Variants in ZNF343 observed in about 807,000 individuals in gnomAD.
The protein encoded by ZNF343 is zinc finger protein 343.
Under a neutral mutation model 13.8 loss-of-function variants are expected in ZNF343, and 11 were observed. That is an observed-to-expected ratio of 0.80 (90% CI 0.50 to 1.32). The LOEUF (loss-of-function observed/expected upper bound fraction) is 1.32, where lower values mean the gene tolerates loss of function less well. Among genes scored for constraint, ZNF343 ranks in the 40% most tolerant of loss-of-function variants. ZNF343 has a pLI of 0.00. For synonymous variants in ZNF343, 248 were observed against 260.0 expected, an observed-to-expected ratio of 0.95 and a Z score of 0.44; for missense variants, 658 against 714.2, an observed-to-expected ratio of 0.92 and a Z score of 0.90.
At chr20:2,503,169 T>G (rs1482060307) in intron 1 of ZNF343, among the ~76,000 whole-genome samples, 1 of 152,204 alleles carries the variant, frequency 6.6e-6, no homozygotes, top group African/African-American at 2.4e-5. Context: ...AATCCTAGTC[T>G]CTGATAAAAC....
At chr20:2,512,984 C>T (rs1429715795), upstream of ZNF343, among the ~76,000 whole-genome samples, 1 of 151,692 alleles carries the variant, frequency 6.6e-6, no homozygotes, top group East Asian at 1.9e-4. Flanking sequence ...TCTGTAGTCC[C>T]AGCTACTTGG....
chr20:2,495,786 T>C (rs2085449733), intron 2 of ZNF343, among the ~76,000 whole-genome samples: 1 of 152,026 alleles, frequency 6.6e-6, no homozygotes, highest in African/African-American at 2.4e-5. Context: ...GTTCAAGTGA[T>C]TCTTTTGCCT....
chr20:2,483,184 T>A lies in ZNF343; in HGVS notation c.1777A>T (p.Ile593Phe). 1 of 1,589,396 alleles carries A rather than the reference T, an allele frequency of 6.3e-7. No homozygotes were observed. The highest frequency in any genetic ancestry group is 8.6e-7 in the Non-Finnish European group (1 of 1,160,778). ...CGTCAGTGTGTCCTCTGGTGTCTGA[T>A]GAGATTTGACTTATGACTAAAGCCT... is the stretch of plus-strand genomic sequence containing the variant. ...GRGFSHKSNL[I>F]RHQRTH The change falls in exon 6 of 6, where the codon ATC (isoleucine) becomes TTC (phenylalanine). Residue 593 changes from isoleucine (I) to phenylalanine (F), a missense_variant. Ile to Phe is a conservative substitution (Grantham distance 21, BLOSUM62 0). Coordinates refer to ENST00000278772, the MANE Select transcript of ZNF343 (RefSeq NM_024325.6).
chr20:2,508,959 C>G (rs748951284), upstream of ZNF343: 4 of 152,314 alleles, frequency 2.6e-5, no homozygotes. This position sits in a 1 kb window ranked among gnomAD's most constrained non-coding sequence, Gnocchi z 4.5. Flanking sequence ...GGCTTCGGCT[C>G]CCATTGGCCG....
chr20:2,516,418 G>A (rs953953584), intron 1 of ZNF343, among the ~76,000 whole-genome samples: 3 of 152,098 alleles, frequency 2.0e-5, no homozygotes, highest in African/African-American at 7.2e-5. Context: ...TGAGGGTGAG[G>A]GTTAGTGTTT....
rs978381141 is a variant in ZNF343 at position 2,492,991 on chromosome 20, T to C, written c.178-166A>G. The C allele has an allele frequency of 6.6e-5, 61 of 922,826 alleles. 1 individual carries two copies. The Middle Eastern group carries it at 8.3e-4, about 13-fold the overall frequency. 57.2% of individuals were successfully genotyped at this position (922,826 alleles called of 1,614,324 possible). A position where few individuals can be genotyped will look rare whatever the true frequency, so the allele number is the denominator to read the frequency against. ...TTCTGAGCACTACTGTCTGCCTGGC[T>C]TTCTGTTAAAACCTGTGAGGAGCAT... On this transcript the variant is annotated intron_variant, in intron 4 of 5. Transcript: ENST00000278772.
Position 2,484,487 on chromosome 20 carries a change from A to G in ZNF343, c.474T>C (p.Tyr158=). ...PGHWKQQGQQ[Y]SHVSCWFENA... ...TTTCAAACCAACAGCTTACATGGGA[A>G]TACTGCTGCCCCTGCTGTTTCCAAT... is the stretch of plus-strand genomic sequence containing the variant. Residue 158 remains tyrosine (Y), a synonymous_variant, in exon 6 of 6, where the codon TAT becomes TAC. Coordinates refer to ENST00000278772, the MANE Select transcript of ZNF343 (RefSeq NM_024325.6). The G allele has an allele frequency of 6.2e-7, 1 of 1,614,218 alleles. No individual in the cohort carries two copies. Among genetic ancestry groups the G allele is most frequent in the East Asian group, 2.2e-5 (1 of 44,882 alleles).
At position 2,492,718 on chromosome 20, in the gene ZNF343, G is replaced by A. The variant is rs1406354013; in HGVS notation, c.285C>T (p.Tyr95=). 2.5e-6 allele frequency: 4 copies of A among 1,610,884 alleles called. No homozygotes were observed. Among genetic ancestry groups the A allele is most frequent in the African/African-American group, 1.3e-5 (1 of 74,720 alleles). The change falls in exon 5 of 6, where the codon TAC becomes TAT. Residue 95 remains tyrosine, a synonymous_variant. Transcript: ENST00000278772. ...CCTTACCCAATGAGAGAAGATTCCT[G>A]TAATTCTCCAGCATCACTTCTTTGT... ...NLYKEVMLEN[Y]RNLLSLAEPK... is the part of the protein sequence containing the mutation.
intron 1 of ZNF343, among the ~76,000 whole-genome samples, chr20:2,503,574 G>T (rs557146440): frequency 6.6e-6 from 1 of 152,194 alleles, no homozygotes; most frequent in African/African-American, 2.4e-5. Flanking sequence ...GCACTCCTCA[G>T]CAAATGTAAA....
At chr20:2,496,265 T>C (rs2085457366) in intron 2 of ZNF343, among the ~76,000 whole-genome samples, 1 of 152,164 alleles carries the variant, frequency 6.6e-6, no homozygotes, top group Non-Finnish European at 1.5e-5. Context: ...GTGATTCATG[T>C]GGGCAACTGT....
intron 2 of ZNF343, among the ~76,000 whole-genome samples, chr20:2,498,635 C>A (rs1207248568): frequency 6.6e-6 from 1 of 152,216 alleles, no homozygotes; most frequent in East Asian, 1.9e-4. Flanking sequence ...TATTAACAAT[C>A]CCAGTCCATA....
At chr20:2,510,864 G>A (rs2085735403), upstream of ZNF343, among the ~76,000 whole-genome samples, 1 of 152,220 alleles carries the variant, frequency 6.6e-6, no homozygotes, top group Non-Finnish European at 1.5e-5. Flanking sequence ...GGGAAGAAAT[G>A]TAACTATGTG....
chr20:2,497,873 G>T (rs887156694), intron 2 of ZNF343, among the ~76,000 whole-genome samples: 1 of 140,428 alleles, frequency 7.1e-6, no homozygotes, highest in Non-Finnish European at 1.6e-5. Flanking sequence ...GTACCCACCC[G>T]CCCCGGCTCC....
At chr20:2,502,333 T>G (rs1370053060) in intron 1 of ZNF343, among the ~76,000 whole-genome samples, 1 of 152,212 alleles carries the variant, frequency 6.6e-6, no homozygotes, top group Admixed American at 6.5e-5. Flanking sequence ...AATCTACGTC[T>G]GATTGGTGTA....
intron 1 of ZNF343, among the ~76,000 whole-genome samples, chr20:2,506,124 A>T (rs1356278636): frequency 2.0e-5 from 3 of 152,204 alleles, no homozygotes; most frequent in Non-Finnish European, 2.9e-5. Context: ...CCCATCAGCA[A>T]GTGGGTGAAG....
chr20:2,485,937 T>C (rs1049630877), intron 5 of ZNF343, among the ~76,000 whole-genome samples: 1 of 152,220 alleles, frequency 6.6e-6, no homozygotes, highest in Non-Finnish European at 1.5e-5. Context: ...CTGAGTCTGT[T>C]TGGTTTACTT....
chr20:2,484,694 T>G, intron 5 of ZNF343, 38 bp from the exon 6 acceptor site: 1 of 1,548,492 alleles, frequency 6.5e-7, no homozygotes, highest in African/African-American at 1.4e-5. Context: ...TAGCCATAAG[T>G]AGGGCTGCTG....
At position 2,484,110 on chromosome 20, in the gene ZNF343, A is replaced by G; in HGVS notation, c.851T>C (p.Leu284Pro). 1 of 1,614,190 alleles carries G rather than the reference A, an allele frequency of 6.2e-7. No individual in the cohort carries two copies. The highest frequency in any genetic ancestry group is 8.5e-7 in the Non-Finnish European group (1 of 1,180,028). The change falls in exon 6 of 6, where the codon CTC (leucine) becomes CCC (proline). Residue 284 changes from leucine (L) to proline (P), a missense_variant. Leu to Pro is a moderately conservative substitution (Grantham distance 98). Coordinates refer to ENST00000278772, the MANE Select transcript of ZNF343 (RefSeq NM_024325.6). Reference protein sequence around the residue: ...CGRSFKDRSTLIRHHRIHSME... With the variant: ...CGRSFKDRSTPIRHHRIHSME... ...CGAGTGTATACGATGGTGTCTGATG[A>G]GGGTTGATCTATCTTTAAAGCTTCG...
chr20:2,506,696 C>T (rs2085663389), intron 1 of ZNF343, among the ~76,000 whole-genome samples: 1 of 151,894 alleles, frequency 6.6e-6, no homozygotes, highest in Non-Finnish European at 1.5e-5. Flanking sequence ...ATCACAAGGA[C>T]AAAAAACCAA....
Sources: gnomAD v4.1 joint callset for allele counts (sites outside exome capture counted in the v4.1 genomes callset) on GRCh38, gnomAD v4.1.1 for gene constraint, Gnocchi (gnomAD v3.1) non-coding constraint, MANE v1.5 for transcripts, NCBI Gene and HGNC (gene_info 2026-07-23, HGNC 2026-07-21) for gene names.